The following GPC5 variants were observed in gnomAD, a reference collection of about 807,000 sequenced individuals.
The protein encoded by GPC5 is glypican-5.
A neutral mutation model predicts 53.9 loss-of-function variants in GPC5; 47 were observed. That is an observed-to-expected ratio of 0.87 (90% CI 0.69 to 1.11). GPC5 has a LOEUF of 1.11. Among genes scored for constraint, GPC5 ranks in the 50% most tolerant of loss-of-function variants. The pLI, the probability that GPC5 is intolerant of heterozygous loss-of-function variation, is 0.00. For synonymous variants in GPC5, 286 were observed against 263.3 expected, an observed-to-expected ratio of 1.09 and a Z score of -0.84; for missense variants, 748 against 713.1, an observed-to-expected ratio of 1.05 and a Z score of -0.56.
chr13:92,761,114 C>CT (rs1233337927), intron 7 of GPC5, among the ~76,000 whole-genome samples: 1 of 152,110 alleles, frequency 6.6e-6, no homozygotes, highest in African/African-American at 2.4e-5. Flanking sequence ...GAATGTGTAT[C>CT]TTGCTGGAAA....
intron 2 of GPC5, among the ~76,000 whole-genome samples, chr13:91,455,378 A>G (rs938228802): frequency 6.6e-6 from 1 of 152,124 alleles, no homozygotes; most frequent in Non-Finnish European, 1.5e-5. Flanking sequence ...GTATTGTCAG[A>G]ATTTTAAAAG....
At chr13:91,648,579 G>GTATA (rs1482194045) in intron 2 of GPC5, among the ~76,000 whole-genome samples, 1 of 151,928 alleles carries the variant, frequency 6.6e-6, no homozygotes, top group Non-Finnish European at 1.5e-5. Flanking sequence ...AAAGTAGAAA[G>GTATA]TATAGGCTCA....
intron 7 of GPC5, among the ~76,000 whole-genome samples, chr13:92,451,269 C>G (rs557443893): frequency 6.6e-6 from 1 of 152,054 alleles, no homozygotes. Flanking sequence ...GTGCCAGAAG[C>G]CTGAATCACA....
intron 7 of GPC5, among the ~76,000 whole-genome samples, chr13:92,863,565 C>G (rs1373565695): frequency 2.0e-5 from 3 of 152,172 alleles, no homozygotes; most frequent in Non-Finnish European, 4.4e-5. Context: ...ACAATCTAGG[C>G]TCACCGCAAC....
At chr13:91,860,821 A>G (rs1343540765) in intron 5 of GPC5, among the ~76,000 whole-genome samples, 1 of 152,164 alleles carries the variant, frequency 6.6e-6, no homozygotes, top group Non-Finnish European at 1.5e-5. Flanking sequence ...TATTTTCTTT[A>G]TCCACTCATC....
intron 2 of GPC5, among the ~76,000 whole-genome samples, chr13:91,537,870 C>T (rs1886661729): frequency 6.6e-6 from 1 of 152,146 alleles, no homozygotes; most frequent in Non-Finnish European, 1.5e-5. Context: ...CAGTTCAACT[C>T]GTAGATACAT....
At chr13:92,454,611 G>C (rs1878190949) in intron 7 of GPC5, among the ~76,000 whole-genome samples, 1 of 152,188 alleles carries the variant, frequency 6.6e-6, no homozygotes, top group African/African-American at 2.4e-5. Context: ...AGACAAGATA[G>C]ATGTGATCCC....
chr13:92,791,415 G>A (rs1321687730), intron 7 of GPC5, among the ~76,000 whole-genome samples: 1 of 148,542 alleles, frequency 6.7e-6, no homozygotes, highest in Admixed American at 6.8e-5. Flanking sequence ...GTGTATGTGT[G>A]TGAGTGTGTG....
rs531464079 is a variant in GPC5, at chr13:91,572,168, T to C, written c.326-121019T>C. 1.1e-4 allele frequency among the ~76,000 whole-genome samples: 11 copies of C among 102,066 alleles called. No individual in the cohort carries two copies. The South Asian group carries it at 1.4e-3, about 13-fold the overall frequency. The allele number at this position is 102,066 out of a possible 152,430, so 67.0% of individuals were successfully genotyped here. A position where few individuals can be genotyped will look rare whatever the true frequency, so the allele number is the denominator to read the frequency against. ...ATATATACGTGTGTATACACACACATATGTATATATACGTGTGTATACACA... is the reference window on the plus strand; with the variant it reads ...ATATATACGTGTGTATACACACACACATGTATATATACGTGTGTATACACA... On this transcript the variant is annotated intron_variant, in intron 2 of 7. Transcript: ENST00000377067.
At chr13:91,739,973 A>AT (rs2036895133) in intron 4 of GPC5, among the ~76,000 whole-genome samples, 1 of 151,302 alleles carries the variant, frequency 6.6e-6, no homozygotes, top group African/African-American at 2.5e-5. Context: ...TGACACAGGG[A>AT]TAGAAGAGGC....
intron 6 of GPC5, among the ~76,000 whole-genome samples, chr13:92,121,805 T>A (rs9589437): frequency 5.2e-4 from 79 of 152,304 alleles, no homozygotes; most frequent in African/African-American, 1.9e-3. Context: ...TCCTTTTAAA[T>A]GGGATAGTGG....
At chr13:92,739,072 C>T (rs566024793) in intron 7 of GPC5, among the ~76,000 whole-genome samples, 23 of 152,128 alleles carry the variant, frequency 1.5e-4, no homozygotes, top group Middle Eastern at 3.4e-3. Flanking sequence ...CTTAATAAAT[C>T]GGATTCACTG....
At chr13:92,215,880 T>C (rs1349311089) in intron 7 of GPC5, among the ~76,000 whole-genome samples, 4 of 152,198 alleles carry the variant, frequency 2.6e-5, no homozygotes, top group East Asian at 1.9e-4. Flanking sequence ...AGGACAGCAG[T>C]GGGCTCCGTT....
chr13:92,085,854 G>T (rs746323731), intron 6 of GPC5, among the ~76,000 whole-genome samples: 1 of 152,126 alleles, frequency 6.6e-6, no homozygotes, highest in Non-Finnish European at 1.5e-5. Flanking sequence ...ACAGGAGGAG[G>T]AGCTCAGGGG....
chr13:91,791,487 C>T (rs2037963177), intron 5 of GPC5, among the ~76,000 whole-genome samples: 1 of 152,122 alleles, frequency 6.6e-6, no homozygotes, highest in South Asian at 2.1e-4. Flanking sequence ...ATGTTGCTTG[C>T]ATGGTGGAAA....
intron 3 of GPC5, among the ~76,000 whole-genome samples, chr13:91,712,606 A>G (rs994566409): frequency 2.6e-5 from 4 of 152,150 alleles, no homozygotes; most frequent in Admixed American, 1.3e-4. Flanking sequence ...TCCTTCATTC[A>G]CATTGGAAAA....
chr13:92,018,095 T>TATAATTCAATTATAAAATA (rs2040724782), intron 6 of GPC5, among the ~76,000 whole-genome samples: 1 of 152,136 alleles, frequency 6.6e-6, no homozygotes, highest in African/African-American at 2.4e-5. Flanking sequence ...AACTGGTATC[T>TATAATTCAATTATAAAATA]GGAGCAAATT....
In GPC5 at chr13:91,785,014, T is replaced by A. The variant is rs1297872847; in HGVS notation, c.1280+28594T>A. Among the ~76,000 whole-genome samples the A allele has an allele frequency of 3.9e-5, 6 of 152,310 alleles. No homozygotes were observed. In the East Asian group the frequency reaches 9.7e-4, roughly 25 times the overall value. On this transcript the variant is annotated intron_variant, in intron 5 of 7. Coordinates refer to ENST00000377067, the MANE Select transcript of GPC5 (RefSeq NM_004466.6). The stretch of plus-strand genomic sequence containing the variant: ...TCTAGCAGCAGCATTTGACACTTTA[T>A]TTTTCCCCGTTGTTTGGTACAGTTC...
intron 5 of GPC5, among the ~76,000 whole-genome samples, chr13:91,903,031 C>T (rs1448821484): frequency 2.0e-5 from 3 of 148,256 alleles, no homozygotes; most frequent in East Asian, 4.0e-4. Context: ...CAGCTCAGTA[C>T]TTTTTTTTTT....
Sources: gnomAD v4.1 joint callset for allele counts (sites outside exome capture counted in the v4.1 genomes callset) on GRCh38, gnomAD v4.1.1 for gene constraint, MANE v1.5 for transcripts, NCBI Gene and HGNC (gene_info 2026-07-23, HGNC 2026-07-21) for gene names.